WIPF1: variants seen among roughly 807,000 people sequenced by gnomAD.
WIPF1 encodes WAS/WASL-interacting protein family member 1.
Under a neutral mutation model 35.4 loss-of-function variants are expected in WIPF1, and 13 were observed. The ratio of observed to expected loss-of-function variants is 0.37; its 90% CI spans 0.24 to 0.58. The LOEUF is 0.58. WIPF1 is among the 20% of genes least tolerant of loss of function. The pLI, the probability that WIPF1 is intolerant of heterozygous loss-of-function variation, is 0.74. For missense variants in WIPF1, 591 were observed against 667.0 expected, an observed-to-expected ratio of 0.89 and a Z score of 1.25; for synonymous variants, 267 against 266.3, an observed-to-expected ratio of 1.00 and a Z score of -0.02.
chr2:174,631,272 T>C (rs1186986668), intron 1 of WIPF1, among the ~76,000 whole-genome samples: 1 of 152,194 alleles, frequency 6.6e-6, no homozygotes, highest in Non-Finnish European at 1.5e-5. Flanking sequence ...CATACAAATA[T>C]GTTTGGCCTT....
chr2:174,611,319 A>C (rs1350279089), intron 1 of WIPF1, among the ~76,000 whole-genome samples: 1 of 152,228 alleles, frequency 6.6e-6, no homozygotes, highest in Non-Finnish European at 1.5e-5. Flanking sequence ...AAGGGCTCCA[A>C]AGTCCTTTGG....
chr2:174,571,896 G>A lies in WIPF1; in HGVS notation c.909C>T (p.Ser303=), dbSNP rs745551139. The change falls in exon 5 of 8, where the codon TCC becomes TCT. Residue 303 remains serine (S), a synonymous_variant. Coordinates refer to ENST00000679041, the MANE Select transcript of WIPF1 (RefSeq NM_001375834.1). The surrounding 1 kb of genome is among the most constrained non-coding windows in gnomAD (Gnocchi z 4.6). ...GTGGCGGCGGAGGTGGGGCCTGTGA[G>A]GAGGCCGAAGGCCGCGGAGTGGAAG... is the stretch of plus-strand genomic sequence containing the variant. ...PVPSTPRPSA[S]SQAPPPPPPP... 137 of 1,612,342 alleles carry A rather than the reference G, an allele frequency of 8.5e-5. No homozygotes were observed. Among genetic ancestry groups the A allele is most frequent in the Non-Finnish European group, 1.1e-4 (133 of 1,179,206 alleles).
intron 7 of WIPF1, 31 bp from the exon 8 acceptor site, chr2:174,562,633 TG>T: frequency 6.2e-7 from 1 of 1,612,854 alleles, no homozygotes; most frequent in Non-Finnish European, 8.5e-7. Flanking sequence ...AATATAATTT[TG>T]GTTAGAAAGC....
At position 174,571,520 on chromosome 2, in the gene WIPF1, G is replaced by A. The variant is rs978473238; in HGVS notation, c.1129+156C>T. 33 of 1,004,936 alleles carry A rather than the reference G, an allele frequency of 3.3e-5. No homozygotes were observed. The Middle Eastern group carries it at 6.2e-4, about 19-fold the overall frequency. 62.3% of individuals were successfully genotyped at this position (1,004,936 alleles called of 1,614,324 possible). Reference sequence around the variant, plus strand: ...TCCCACTTTCCCCCGGGGTTTACACGAGGTCACGATCACACGTGTCGTGTG... The same window carrying A: ...TCCCACTTTCCCCCGGGGTTTACACAAGGTCACGATCACACGTGTCGTGTG... On this transcript the variant is annotated intron_variant, in intron 5 of 7. Transcript: ENST00000679041. This position sits in a 1 kb window ranked among gnomAD's most constrained non-coding sequence, Gnocchi z 4.6.
chr2:174,617,690 G>A (rs776667276), intron 1 of WIPF1, among the ~76,000 whole-genome samples: 4 of 152,206 alleles, frequency 2.6e-5, no homozygotes, highest in Admixed American at 6.5e-5. Flanking sequence ...GTTGGAACGC[G>A]CACCCTGTGG....
At chr2:174,666,871 C>T (rs1687903257) in intron 1 of WIPF1, among the ~76,000 whole-genome samples, 1 of 152,222 alleles carries the variant, frequency 6.6e-6, no homozygotes, top group African/African-American at 2.4e-5. Flanking sequence ...TGAATCCTAG[C>T]TCTGCCTCTA....
Position 174,572,235 on chromosome 2 carries a change from A to G in WIPF1, c.570T>C (p.Thr190=). ...PDSIPPPVPS[T]PRPIQSSPHN... The stretch of plus-strand genomic sequence containing the variant: ...GCGGACTTGATTGAATGGGTCTTGG[A>G]GTACTAGGTACTGGAGGAGGAATGC... Residue 190 remains threonine, a synonymous_variant, in exon 5 of 8, where the codon ACT becomes ACC. Coordinates refer to ENST00000679041, the MANE Select transcript of WIPF1 (RefSeq NM_001375834.1). 6.2e-7 allele frequency: 1 copy of G among 1,614,052 alleles called. No homozygotes were observed.
chr2:174,648,975 G>C (rs897723279), intron 1 of WIPF1, among the ~76,000 whole-genome samples: 1 of 152,344 alleles, frequency 6.6e-6, no homozygotes, highest in East Asian at 1.9e-4. Context: ...TTGCATAACA[G>C]GCACATTTAA....
chr2:174,641,897 A>G lies in WIPF1; in HGVS notation c.-39+40877T>C, dbSNP rs192724969. Among the ~76,000 whole-genome samples the G allele has an allele frequency of 5.4e-4, 82 of 152,342 alleles. 1 individual carries two copies. In the East Asian group the frequency reaches 0.012, roughly 23 times the overall value. ...ACTGTGATCTCCACTTTACAGACAG[A>G]GTAATTAAGATTTACGTGGTTAACT... On this transcript the variant is annotated intron_variant, in intron 1 of 8. Coordinates refer to the WIPF1 transcript ENST00000272746.
At chr2:174,676,881 G>A (rs1688143470) in intron 1 of WIPF1, among the ~76,000 whole-genome samples, 1 of 152,134 alleles carries the variant, frequency 6.6e-6, no homozygotes, top group Non-Finnish European at 1.5e-5. Flanking sequence ...GTCACATTGT[G>A]GCCAGGTATA....
chr2:174,613,801 T>G (rs1301218825), intron 1 of WIPF1, among the ~76,000 whole-genome samples: 2 of 152,154 alleles, frequency 1.3e-5, no homozygotes, highest in African/African-American at 4.8e-5. Context: ...GAGGGATAAT[T>G]CAATGCAATG....
intron 1 of WIPF1, chr2:174,629,812 G>T (rs571174707): frequency 6.6e-6 from 1 of 152,166 alleles, no homozygotes; most frequent in African/African-American, 2.4e-5. Flanking sequence ...CAGAAGTTAA[G>T]TTCATTCTAC....
chr2:174,646,767 C>T (rs1379876332), intron 1 of WIPF1, among the ~76,000 whole-genome samples: 2 of 152,096 alleles, frequency 1.3e-5, no homozygotes, highest in African/African-American at 2.4e-5. Context: ...GCACTCACCA[C>T]CACACCCAGC....
At chr2:174,600,411 G>A (rs1302262735), upstream of WIPF1, among the ~76,000 whole-genome samples, 1 of 151,972 alleles carries the variant, frequency 6.6e-6, no homozygotes, top group African/African-American at 2.4e-5. Flanking sequence ...AAACTCTTAG[G>A]TCCACAGGGA....
intron 1 of WIPF1, among the ~76,000 whole-genome samples, chr2:174,647,690 T>C (rs1432047923): frequency 6.8e-6 from 1 of 147,196 alleles, no homozygotes; most frequent in East Asian, 2.0e-4. Flanking sequence ...ATGAATTACA[T>C]CTCCATGATA....
In WIPF1 at chr2:174,571,209, C is replaced by T. The variant is rs539840723; in HGVS notation, c.1129+467G>A. On this transcript the variant is annotated intron_variant, in intron 5 of 7. Transcript: ENST00000679041. The surrounding 1 kb of genome is among the most constrained non-coding windows in gnomAD (Gnocchi z 4.6). ...AGTCTTTAATGAATAGGGAAATGGC[C>T]TCAAAGCCTGGCGAATGAAGAGAGA... The T allele has an allele frequency of 1.2e-5, 3 of 259,726 alleles. No individual in the cohort carries two copies. The East Asian group carries it at 2.9e-4, about 25-fold the overall frequency. The allele number at this position is 259,726 out of a possible 1,614,324, so 16.1% of individuals were successfully genotyped here. A position where few individuals can be genotyped will look rare whatever the true frequency, so the allele number is the denominator to read the frequency against.
At chr2:174,671,297 T>C (rs1688012141) in intron 1 of WIPF1, among the ~76,000 whole-genome samples, 2 of 152,250 alleles carry the variant, frequency 1.3e-5, no homozygotes, top group African/African-American at 4.8e-5. Context: ...ACTTCCCCAA[T>C]CAATACTCTT....
At chr2:174,626,101 C>G (rs974253992) in intron 1 of WIPF1, 2 of 152,204 alleles carry the variant, frequency 1.3e-5, no homozygotes, top group South Asian at 4.1e-4. Flanking sequence ...ACAATACTCT[C>G]AACTACCTTG....
intron 1 of WIPF1, among the ~76,000 whole-genome samples, chr2:174,613,360 G>A (rs1686410080): frequency 6.6e-6 from 1 of 152,130 alleles, no homozygotes; most frequent in South Asian, 2.1e-4. Context: ...TTTTATGATT[G>A]CAAACTTGAT....
Sources: gnomAD v4.1 joint callset for allele counts (sites outside exome capture counted in the v4.1 genomes callset) on GRCh38, gnomAD v4.1.1 for gene constraint, Gnocchi (gnomAD v3.1) non-coding constraint, MANE v1.5 for transcripts, NCBI Gene and HGNC (gene_info 2026-07-23, HGNC 2026-07-21) for gene names.